The following SMYD3 variants were observed in gnomAD, a reference collection of about 807,000 sequenced individuals.
SMYD3 encodes the protein histone-lysine N-methyltransferase SMYD3.
A neutral mutation model predicts 57.7 loss-of-function variants in SMYD3; 36 were observed. That is an observed-to-expected ratio of 0.62 (90% CI 0.48 to 0.82). SMYD3 has a LOEUF of 0.82. Among genes scored for constraint, SMYD3 ranks in the 40% least tolerant of loss-of-function variants. SMYD3 has a pLI of 0.00. For missense variants in SMYD3, 515 were observed against 538.8 expected (o/e 0.96, Z 0.44); for synonymous variants, 211 against 195.0 (o/e 1.08, Z -0.68).
intron 5 of SMYD3, among the ~76,000 whole-genome samples, chr1:246,100,901 A>G (rs2060997159): frequency 6.6e-6 from 1 of 152,116 alleles, no homozygotes; most frequent in Non-Finnish European, 1.5e-5. Context: ...TTTGACTTAA[A>G]AAACAAAATA....
intron 5 of SMYD3, among the ~76,000 whole-genome samples, chr1:246,002,245 C>T (rs532826817): frequency 5.2e-4 from 75 of 144,002 alleles, no homozygotes; most frequent in South Asian, 2.8e-3. Context: ...AGTGCTGTGG[C>T]GCGATCTCGG....
intron 5 of SMYD3, among the ~76,000 whole-genome samples, chr1:246,022,974 G>GA (rs1479335349): frequency 4.6e-5 from 7 of 152,166 alleles, no homozygotes; most frequent in Non-Finnish European, 1.0e-4. Flanking sequence ...ATGCAATTTA[G>GA]AAAGAGTGAG....
At chr1:246,062,989 T>C (rs996627442) in intron 5 of SMYD3, among the ~76,000 whole-genome samples, 9 of 152,190 alleles carry the variant, frequency 5.9e-5, no homozygotes, top group Admixed American at 5.2e-4. Flanking sequence ...GCTACCACTT[T>C]TGCGTTCTTT....
intron 5 of SMYD3, among the ~76,000 whole-genome samples, chr1:245,993,615 TAGATAGATAGATAGATAGAC>T (rs1174250524): frequency 6.8e-5 from 5 of 73,250 alleles, no homozygotes; most frequent in African/African-American, 1.9e-4. Flanking sequence ...GATAGATAGA[TAGATAGATAGATAGATAGAC>T]AGACAGACAG....
chr1:246,493,317 T>C (rs1305059604), intron 1 of SMYD3, among the ~76,000 whole-genome samples: 2 of 151,430 alleles, frequency 1.3e-5, no homozygotes, highest in Non-Finnish European at 2.9e-5. Context: ...AATAAATAAA[T>C]AAAAAGAAAG....
rs529499961 is a variant in SMYD3 at position 245,974,474 on chromosome 1, C to T, written c.532-44537G>A. On this transcript the variant is annotated intron_variant, in intron 5 of 11. Coordinates refer to ENST00000490107, the MANE Select transcript of SMYD3 (RefSeq NM_001167740.2). ...TCCTATGCCAACCTCCTAAAGCCAT[C>T]GTCTCCGGCCCAGGGAAAGCCATCG... Among the ~76,000 whole-genome samples, 17 of 151,536 alleles carry T rather than the reference C, an allele frequency of 1.1e-4. 2 individuals carry two copies. Among genetic ancestry groups the T allele is most frequent in the East Asian group, 7.8e-4 (4 of 5,152 alleles).
At chr1:246,352,841 A>G (rs1293089175) in intron 2 of SMYD3, among the ~76,000 whole-genome samples, 1 of 152,224 alleles carries the variant, frequency 6.6e-6, no homozygotes, top group East Asian at 1.9e-4. Flanking sequence ...AACAGGGGAA[A>G]AAAATGTTTT....
At chr1:245,998,232 C>T (rs1318835361) in intron 5 of SMYD3, among the ~76,000 whole-genome samples, 2 of 152,180 alleles carry the variant, frequency 1.3e-5, no homozygotes, top group Non-Finnish European at 2.9e-5. Context: ...CATCTCTTAC[C>T]CACCCTTGGG....
chr1:246,134,804 C>A (rs966595619), intron 5 of SMYD3, among the ~76,000 whole-genome samples: 9 of 108,178 alleles, frequency 8.3e-5, no homozygotes, highest in South Asian at 2.5e-4. Context: ...TTCTTCCCCC[C>A]CCTGCCGCTT....
At chr1:245,906,461 T>A (rs1201788106) in intron 8 of SMYD3, among the ~76,000 whole-genome samples, 1 of 152,150 alleles carries the variant, frequency 6.6e-6, no homozygotes, top group Non-Finnish European at 1.5e-5. Flanking sequence ...TCACCCCAGT[T>A]AAAATGGCTT....
At chr1:246,325,292 AGGAGTTGGGGGGGCGGGAAGGAGGGGAG>A (rs1255236823) in intron 5 of SMYD3, among the ~76,000 whole-genome samples, 1 of 73,642 alleles carries the variant, frequency 1.4e-5, no homozygotes, top group African/African-American at 5.6e-5. Flanking sequence ...AGGAGGGAGA[AGGAGTTGGGGGGGCGGGAAGGAGGGGAG>A]TGATTTAAGG....
At chr1:246,212,004 T>C (rs1367102664) in intron 5 of SMYD3, among the ~76,000 whole-genome samples, 1 of 151,770 alleles carries the variant, frequency 6.6e-6, no homozygotes, top group Admixed American at 6.6e-5. Context: ...AATATTCCAC[T>C]TAAGGTGGAT....
rs1278831704 is a variant in SMYD3 at position 245,960,837 on chromosome 1, T to C, written c.532-30900A>G. Among the ~76,000 whole-genome samples the C allele has an allele frequency of 3.9e-5, 6 of 152,258 alleles. No individual in the cohort carries two copies. The South Asian group carries it at 1.0e-3, about 26-fold the overall frequency. ...AGAGGAATTACTTAACTTTTTCAGA[T>C]ATACTTTGCATTTTTCACAGAGAGA... On this transcript the variant is annotated intron_variant, in intron 5 of 11. Transcript: ENST00000490107.
intron 10 of SMYD3, among the ~76,000 whole-genome samples, chr1:245,795,041 T>C (rs1373780115): frequency 6.6e-6 from 1 of 152,210 alleles, no homozygotes; most frequent in Non-Finnish European, 1.5e-5. Flanking sequence ...TAGGTGTGCA[T>C]GTTCATTTCA....
chr1:245,929,422 G>A (rs1364639992), intron 6 of SMYD3, among the ~76,000 whole-genome samples: 1 of 152,206 alleles, frequency 6.6e-6, no homozygotes, highest in East Asian at 1.9e-4. Context: ...GCATTCAGGG[G>A]CCAAAGCCTG....
chr1:246,232,767 A>G (rs1366608721), intron 5 of SMYD3, among the ~76,000 whole-genome samples: 2 of 131,764 alleles, frequency 1.5e-5, no homozygotes, highest in Non-Finnish European at 3.2e-5. Context: ...CACTCCTTCA[A>G]TCCACACTGT....
chr1:246,230,499 C>T (rs1363479729), intron 5 of SMYD3, among the ~76,000 whole-genome samples: 1 of 152,186 alleles, frequency 6.6e-6, no homozygotes, highest in African/African-American at 2.4e-5. Flanking sequence ...ATTGCCAACT[C>T]TGGAGAGATC....
chr1:246,232,286 C>A (rs1194818393), intron 5 of SMYD3, among the ~76,000 whole-genome samples: 1 of 152,110 alleles, frequency 6.6e-6, no homozygotes, highest in African/African-American at 2.4e-5. Context: ...AATACTGTAA[C>A]CACGGAGAAT....
rs140343286 is a variant in SMYD3, at chr1:246,261,203, C to T, written c.531+65998G>A. Among the ~76,000 whole-genome samples, 2,463 of 152,086 alleles carry T rather than the reference C, an allele frequency of 0.016. 219 individuals are homozygous for T. The East Asian group carries it at 0.24, about 15-fold the overall frequency. On this transcript the variant is annotated intron_variant, in intron 5 of 11. Transcript: ENST00000490107. ...CCTCCCAAGTAGCTGGGACTACAGG[C>T]GCCCGCCACCACGCCTGGCTAATTT...
Sources: gnomAD v4.1 joint callset for allele counts (sites outside exome capture counted in the v4.1 genomes callset) on GRCh38, gnomAD v4.1.1 for gene constraint, MANE v1.5 for transcripts, NCBI Gene and HGNC (gene_info 2026-07-23, HGNC 2026-07-21) for gene names.